The following ERBB2 variants were observed in gnomAD, a reference collection of about 807,000 sequenced individuals.
ERBB2 encodes the protein receptor tyrosine-protein kinase erbB-2.
ERBB2 carries 61 observed loss-of-function variants against 149.0 expected under a neutral mutation model. The ratio of observed to expected loss-of-function variants is 0.41; its 90% confidence interval spans 0.33 to 0.51. The LOEUF (loss-of-function observed/expected upper bound fraction) is 0.51. Ranked by LOEUF, ERBB2 falls within the 20% of genes least tolerant of loss-of-function variation. The pLI is 0.25. For missense variants in ERBB2, 1,205 were observed against 1,655.1 expected, an observed-to-expected ratio of 0.73 and a Z score of 4.72; for synonymous variants, 633 against 678.8, an observed-to-expected ratio of 0.93 and a Z score of 1.05.
At chr17:39,700,603 C>T (rs2058043642) in intron 1 of ERBB2, among the ~76,000 whole-genome samples, 2 of 152,192 alleles carry the variant, frequency 1.3e-5, no homozygotes, top group African/African-American at 4.8e-5. Context: ...GAAAGTTTTC[C>T]CGCAAAGGGT....
At chr17:39,709,510 A>G in intron 4 of ERBB2, 58 bp downstream of exon 4, 2 of 1,598,580 alleles carry the variant, frequency 1.3e-6, no homozygotes, top group Non-Finnish European at 1.7e-6. Flanking sequence ...CCAGCCGCAA[A>G]CTCCCAACTT....
chr17:39,727,660 T>C lies in ERBB2; in HGVS notation c.3413-29T>C. ...GCAGAGACACCGGGGTTCCTTCCCC[T>C]AATGGGTCACCTTCTCTTGACCTTT... On this transcript the variant is annotated intron_variant, in intron 26 of 26. Coordinates refer to ENST00000269571, the MANE Select transcript of ERBB2 (RefSeq NM_004448.4). The surrounding 1 kb of genome is among the most constrained non-coding windows in gnomAD (Gnocchi z 4.3). 1.3e-6 allele frequency: 2 copies of C among 1,546,092 alleles called. No individual in the cohort carries two copies. Among genetic ancestry groups the C allele is most frequent in the Non-Finnish European group, 1.7e-6 (2 of 1,148,140 alleles).
chr17:39,724,802 A>G lies in ERBB2; in HGVS notation c.2384A>G (p.Gln795Arg), dbSNP rs1391139604. The change falls in exon 20 of 27, where the codon CAG becomes CGG. Residue 795 changes from glutamine to arginine, a missense_variant. Coordinates refer to ENST00000269571, the MANE Select transcript of ERBB2 (RefSeq NM_004448.4). ...LLGICLTSTV[Q>R]LVTQLMPYGC... ...GGCATCTGCCTGACATCCACGGTGC[A>G]GCTGGTGACACAGCTTATGCCCTAT... 2 of 1,614,176 alleles carry G rather than the reference A, an allele frequency of 1.2e-6. No homozygotes were observed. The highest frequency in any genetic ancestry group is 1.7e-6 in the Non-Finnish European group (2 of 1,180,036).
At chr17:39,720,274 G>A in intron 16 of ERBB2, 1 of 171,826 alleles carries the variant, frequency 5.8e-6, no homozygotes, top group Non-Finnish European at 1.2e-5. Flanking sequence ...AAAGCATTGG[G>A]GTGCAAGGTG....
At chr17:39,710,713 A>G (rs918211917) in intron 7 of ERBB2, among the ~76,000 whole-genome samples, 9 of 152,210 alleles carry the variant, frequency 5.9e-5, no homozygotes, top group African/African-American at 2.2e-4. Flanking sequence ...AGCTCTATCA[A>G]TTAGTAGGCA....
chr17:39,700,248 G>A lies in ERBB2; in HGVS notation c.10G>A (p.Ala4Thr), dbSNP rs1039589946. The change falls in exon 1 of 27, where the codon GCG becomes ACG. Residue 4 changes from alanine (A) to threonine (T), a missense_variant. Physicochemically the swap from Ala to Thr is moderately conservative, Grantham distance 58. This residue lies in a region of ERBB2 where 101 missense variants were observed against 95.1 expected (regional missense o/e 1.06). Transcript: ENST00000269571. ...AGCCGCAGTGAGCACCATGGAGCTG[G>A]CGGCCTTGTGCCGCTGGGGGCTCCT... MEL[A>T]ALCRWGLLLA... 6.9e-7 allele frequency: 1 copy of A among 1,442,890 alleles called. No individual in the cohort carries two copies. Among genetic ancestry groups the A allele is most frequent in the Non-Finnish European group, 9.1e-7 (1 of 1,101,230 alleles). 89.4% of individuals were successfully genotyped at this position (1,442,890 alleles called of 1,614,324 possible). A position where few individuals can be genotyped will look rare whatever the true frequency, so the allele number is the denominator to read the frequency against.
intron 1 of ERBB2, 146 bp from the exon 2 acceptor site, chr17:39,706,844 T>C: frequency 1.6e-6 from 1 of 617,060 alleles, no homozygotes; most frequent in East Asian, 3.4e-5. Flanking sequence ...AAACCTGCAG[T>C]GTGCAAGGGA....
rs542027040 is a variant in ERBB2 at position 39,724,864 on chromosome 17, C to T, written c.2446C>T (p.Arg816Cys). The change falls in exon 20 of 27, where the codon CGC becomes TGC. Residue 816 changes from arginine (R) to cysteine (C), a missense_variant. Transcript: ENST00000269571. Reference sequence around the variant, plus strand: ...AGACCATGTCCGGGAAAACCGCGGACGCCTGGGCTCCCAGGACCTGCTGAA... The same window carrying T: ...AGACCATGTCCGGGAAAACCGCGGATGCCTGGGCTCCCAGGACCTGCTGAA... ...LLDHVRENRG[R>C]LGSQDLLNWC... is the part of the protein sequence containing the mutation. 11 of 1,614,212 alleles carry T rather than the reference C, an allele frequency of 6.8e-6. No homozygotes were observed. The highest frequency in any genetic ancestry group is 6.6e-5 in the South Asian group (6 of 91,086).
intron 19 of ERBB2, 80 bp downstream of exon 19, chr17:39,724,090 TG>T: frequency 2.0e-6 from 2 of 986,446 alleles, no homozygotes; most frequent in South Asian, 3.0e-5. Context: ...CTCTCTTCAT[TG>T]GGGTTTGGGG....
rs1434051186 is a variant in ERBB2, at chr17:39,715,282, C to T, written c.1149-4C>T. ...CCTGCTGACTCCTCTCCTGACCCCT[C>T]CAGGGACCCAGCCTCCAACACTGCC... On this transcript the variant is annotated splice_polypyrimidine_tract_variant and splice_region_variant and intron_variant, in intron 9 of 26. Coordinates refer to ENST00000269571, the MANE Select transcript of ERBB2 (RefSeq NM_004448.4). 2.5e-6 allele frequency: 4 copies of T among 1,613,842 alleles called. No individual in the cohort carries two copies. The highest frequency in any genetic ancestry group is 3.3e-5 in the Admixed American group (2 of 60,004).
At chr17:39,688,224 G>A in exon 1 of ERBB2, 1 of 418,320 alleles carries the variant, frequency 2.4e-6, no homozygotes. Context: ...AAGGGAAGGC[G>A]GACGCCTGAT....
At chr17:39,699,963 G>A (rs1006201734), upstream of ERBB2, 67 of 1,238,810 alleles carry the variant, frequency 5.4e-5, no homozygotes, top group Non-Finnish European at 6.5e-5. Context: ...GTTGGAGGGG[G>A]CGAGCTGGGA....
At chr17:39,690,045 G>A (rs1277009882), upstream of ERBB2, among the ~76,000 whole-genome samples, 1 of 151,856 alleles carries the variant, frequency 6.6e-6, no homozygotes, top group Non-Finnish European at 1.5e-5. Flanking sequence ...TCTAATTGCT[G>A]TTAATAGTTG....
chr17:39,716,105 T>G, intron 12 of ERBB2, 166 bp downstream of exon 12: 1 of 959,624 alleles, frequency 1.0e-6, no homozygotes, highest in South Asian at 1.7e-5. Context: ...ATGGCTTCTC[T>G]AGCTGGGTCC....
At chr17:39,699,731 T>G (rs1041646821), upstream of ERBB2, 4 of 683,592 alleles carry the variant, frequency 5.9e-6, no homozygotes, top group Admixed American at 9.8e-5. Flanking sequence ...AACCTGAGAC[T>G]TAAAAGGGTG....
rs201102688 is a variant in ERBB2, at chr17:39,710,239, C to T, written c.759+38C>T. 21 of 1,608,754 alleles carry T rather than the reference C, an allele frequency of 1.3e-5. No homozygotes were observed. The East Asian group carries it at 4.5e-4, about 34-fold the overall frequency. On this transcript the variant is annotated intron_variant, in intron 6 of 26. Coordinates refer to ENST00000269571, the MANE Select transcript of ERBB2 (RefSeq NM_004448.4). ...GCTTTGTGCCCAATGTGCTCTACCC[C>T]CCAGGATGCAAGGGGTGGGCACCCT...
intron 2 of ERBB2, 168 bp downstream of exon 2, chr17:39,707,309 G>A: frequency 1.8e-6 from 1 of 565,144 alleles, no homozygotes. Context: ...TTTTACTGCA[G>A]AATCAGTTGA....
intron 7 of ERBB2, among the ~76,000 whole-genome samples, chr17:39,711,004 A>G (rs531044703): frequency 6.6e-6 from 1 of 152,204 alleles, no homozygotes; most frequent in Non-Finnish European, 1.5e-5. Flanking sequence ...GGTTCGTGCT[A>G]TTCTCGTGTC....
At chr17:39,706,709 C>T (rs531675691) in intron 1 of ERBB2, 57 of 317,700 alleles carry the variant, frequency 1.8e-4, no homozygotes, top group Non-Finnish European at 2.8e-4. Flanking sequence ...CCTGTACTGG[C>T]GGGCGAGCTC....
Sources: allele counts gnomAD v4.1 joint callset (sites outside exome capture counted in the v4.1 genomes callset), GRCh38; gene constraint gnomAD v4.1.1; regional missense constraint gnomAD v4.1.1; non-coding constraint Gnocchi (gnomAD v3.1); transcripts MANE v1.5; gene names NCBI Gene and HGNC (gene_info 2026-07-23, HGNC 2026-07-21).